CFDP1: variants seen among roughly 807,000 people sequenced by gnomAD.
CFDP1 encodes the protein chromatin remodeling protein CFDP1, also known as heterochromatin-stabilizing protein CFDP1.
CFDP1 carries 31 observed loss-of-function variants against 40.1 expected under a neutral mutation model. The observed-to-expected ratio is 0.77, with a 90% CI of 0.58 to 1.04. CFDP1 has a LOEUF of 1.04. Ranked by LOEUF, CFDP1 falls within the 50% of genes least tolerant of loss-of-function variation. CFDP1 has a pLI of 0.00. For missense variants in CFDP1, 423 were observed against 343.4 expected (o/e 1.23, Z -1.83); for synonymous variants, 167 against 120.0 (o/e 1.39, Z -2.56).
At chr16:75,422,449 G>C (rs1200371080) in intron 1 of CFDP1, among the ~76,000 whole-genome samples, 3 of 142,750 alleles carry the variant, frequency 2.1e-5, no homozygotes, top group East Asian at 4.1e-4. Flanking sequence ...GCCCAAGCTA[G>C]AGTGCAGTGG....
In CFDP1 at chr16:75,426,012, G is replaced by C. The variant is rs1474051709; in HGVS notation, c.64+7277C>G. Among the ~76,000 whole-genome samples the C allele has an allele frequency of 6.4e-5, 8 of 124,904 alleles. No homozygotes were observed. The East Asian group carries it at 1.5e-3, about 24-fold the overall frequency. 81.9% of individuals were successfully genotyped at this position (124,904 alleles called of 152,430 possible). ...GATCATGCCACTGCACTCAAGCCTG[G>C]GCAACAGAGCAACACTCTGTCTCAA... is the stretch of plus-strand genomic sequence containing the variant. On this transcript the variant is annotated intron_variant, in intron 1 of 6. Transcript: ENST00000283882.
chr16:75,328,615 A>C (rs1174555787), intron 5 of CFDP1, among the ~76,000 whole-genome samples: 2 of 149,936 alleles, frequency 1.3e-5, no homozygotes, highest in Non-Finnish European at 3.0e-5. Context: ...AAAAAAAAAA[A>C]AAAAAAAACT....
At chr16:75,373,511 C>T (rs909739434) in intron 5 of CFDP1, among the ~76,000 whole-genome samples, 25 of 152,214 alleles carry the variant, frequency 1.6e-4, no homozygotes, top group African/African-American at 6.0e-4. Flanking sequence ...GATTCTTTTT[C>T]TCTGTGACCC....
intron 4 of CFDP1, among the ~76,000 whole-genome samples, chr16:75,398,432 G>C (rs567457360): frequency 2.0e-5 from 3 of 152,266 alleles, no homozygotes; most frequent in Non-Finnish European, 2.9e-5. Flanking sequence ...CCTTGAAAGT[G>C]AATGGGCCTT....
chr16:75,336,779 G>T lies in CFDP1; in HGVS notation c.651-31597C>A, dbSNP rs79887960. 9.2e-3 allele frequency among the ~76,000 whole-genome samples: 1,398 copies of T among 152,286 alleles called. 21 individuals carry two copies. The highest frequency in any genetic ancestry group is 0.032 in the African/African-American group (1,343 of 41,552). On this transcript the variant is annotated intron_variant, in intron 5 of 6. Coordinates refer to ENST00000283882, the MANE Select transcript of CFDP1 (RefSeq NM_006324.3). ...TACAAACATGGATAGCCACACCCTT[G>T]TCAAAAGTGTTATTTTAGGATTTCT...
chr16:75,361,147 A>G (rs1454022303), intron 5 of CFDP1, among the ~76,000 whole-genome samples: 1 of 152,004 alleles, frequency 6.6e-6, no homozygotes, highest in Non-Finnish European at 1.5e-5. Context: ...GTAGCTGGGA[A>G]TACAGGCACG....
chr16:75,363,848 T>TA (rs1302526951), intron 5 of CFDP1, among the ~76,000 whole-genome samples: 3 of 152,144 alleles, frequency 2.0e-5, no homozygotes, highest in African/African-American at 7.2e-5. Context: ...AACAAACTAT[T>TA]ATGAACCAAG....
At position 75,294,042 on chromosome 16, in the gene CFDP1, C is replaced by G. The variant is rs375111551; in HGVS notation, c.810G>C (p.Gly270=). The change falls in exon 7 of 7, where the codon GGG becomes GGC. Residue 270 remains glycine, a splice_region_variant and synonymous_variant. Coordinates refer to ENST00000283882, the MANE Select transcript of CFDP1 (RefSeq NM_006324.3). ...ELAIHNRGKE[G]YIERKAFLDR... ...CAAGGAAGGCTTTCCGTTCAATGTA[C>G]CTAGAAGATGAAAACAGTGTTTGTC... 6.2e-7 allele frequency: 1 copy of G among 1,611,088 alleles called. No individual in the cohort carries two copies. The highest frequency in any genetic ancestry group is 8.5e-7 in the Non-Finnish European group (1 of 1,177,288).
At chr16:75,317,602 C>G (rs2078332239) in intron 5 of CFDP1, among the ~76,000 whole-genome samples, 1 of 152,120 alleles carries the variant, frequency 6.6e-6, no homozygotes, top group Admixed American at 6.5e-5. Context: ...TTGACCAATA[C>G]AAACAGACAA....
intron 5 of CFDP1, among the ~76,000 whole-genome samples, chr16:75,386,040 TAA>T (rs2078895174): frequency 6.6e-6 from 1 of 152,168 alleles, no homozygotes; most frequent in African/African-American, 2.4e-5. Flanking sequence ...AATAAAGTTT[TAA>T]AAGTCTGTGA....
intron 4 of CFDP1, among the ~76,000 whole-genome samples, chr16:75,406,104 G>A (rs1422991846): frequency 6.6e-6 from 1 of 152,034 alleles, no homozygotes; most frequent in Non-Finnish European, 1.5e-5. Context: ...GCCAGGTGCA[G>A]TGGCTCATAC....
At chr16:75,324,619 G>A (rs1207504313) in intron 5 of CFDP1, 2 of 151,828 alleles carry the variant, frequency 1.3e-5, no homozygotes, top group African/African-American at 4.8e-5. Context: ...GCAGGCTCCT[G>A]GTAATCTCAG....
At chr16:75,311,005 T>C (rs1005363480) in intron 5 of CFDP1, among the ~76,000 whole-genome samples, 16 of 152,324 alleles carry the variant, frequency 1.1e-4, no homozygotes, top group South Asian at 2.1e-4. Context: ...ATACAAAGCT[T>C]AATTTTCGGC....
At chr16:75,306,902 C>CACACACACACAT (rs1555552534) in intron 5 of CFDP1, among the ~76,000 whole-genome samples, 2,318 of 149,602 alleles carry the variant, frequency 0.015, 54 homozygotes, top group African/African-American at 0.053. Flanking sequence ...CACACACACA[C>CACACACACACAT]GCACACACAC....
At chr16:75,413,685 T>A (rs1258851232) in intron 2 of CFDP1, among the ~76,000 whole-genome samples, 2 of 152,290 alleles carry the variant, frequency 1.3e-5, no homozygotes, top group Admixed American at 1.3e-4. Context: ...TTCTTTTTCA[T>A]AAATGATAAT....
At chr16:75,337,764 A>G (rs1351395953) in intron 5 of CFDP1, among the ~76,000 whole-genome samples, 1 of 152,158 alleles carries the variant, frequency 6.6e-6, no homozygotes, top group East Asian at 1.9e-4. Flanking sequence ...GGGGAAGTCC[A>G]TGCCCATGAT....
chr16:75,408,067 G>A (rs771676491), intron 4 of CFDP1, among the ~76,000 whole-genome samples: 6 of 147,036 alleles, frequency 4.1e-5, no homozygotes, highest in African/African-American at 7.4e-5. Context: ...TTGTGTCACT[G>A]CACCACAGCC....
intron 5 of CFDP1, among the ~76,000 whole-genome samples, chr16:75,392,212 T>C (rs984132501): frequency 6.6e-6 from 1 of 151,920 alleles, no homozygotes; most frequent in Non-Finnish European, 1.5e-5. Context: ...AAGACTAGCC[T>C]GGCCAACATA....
chr16:75,364,547 G>C (rs1233291577), intron 5 of CFDP1, among the ~76,000 whole-genome samples: 1 of 152,158 alleles, frequency 6.6e-6, no homozygotes, highest in East Asian at 1.9e-4. Flanking sequence ...GGTGGGTGAC[G>C]GTGTTATTGC....
Sources: gnomAD v4.1 joint callset for allele counts (sites outside exome capture counted in the v4.1 genomes callset) on GRCh38, gnomAD v4.1.1 for gene constraint, MANE v1.5 for transcripts, NCBI Gene and HGNC (gene_info 2026-07-23, HGNC 2026-07-21) for gene names.